NUDT6: variants seen among roughly 807,000 people sequenced by gnomAD.
The protein encoded by NUDT6 is FAD diphosphatase NUDT6.
NUDT6 carries 24 observed loss-of-function variants against 36.8 expected under a neutral mutation model. That is an observed-to-expected ratio of 0.65 (90% CI 0.47 to 0.92). NUDT6 has a LOEUF of 0.92. Among genes scored for constraint, NUDT6 ranks in the 40% least tolerant of loss-of-function variants. The pLI, the probability that NUDT6 is intolerant of heterozygous loss-of-function variation, is 0.00. For missense variants in NUDT6, 388 were observed against 392.8 expected (o/e 0.99, Z 0.10); for synonymous variants, 163 against 157.0 (o/e 1.04, Z -0.29).
At chr4:122,895,223 T>G (rs1158279999) in intron 4 of NUDT6, 1 of 152,198 alleles carries the variant, frequency 6.6e-6, no homozygotes, top group Non-Finnish European at 1.5e-5. Context: ...TCTGTTGTAT[T>G]TTTTATTATT....
chr4:122,896,827 C>T (rs1413563776), intron 4 of NUDT6: 2 of 151,956 alleles, frequency 1.3e-5, no homozygotes, highest in East Asian at 1.9e-4. Context: ...TCATTGTTGG[C>T]TAAATAGAAT....
chr4:122,917,386 C>T (rs747335108), intron 2 of NUDT6, 115 bp downstream of exon 2: 7 of 932,920 alleles, frequency 7.5e-6, no homozygotes, highest in Non-Finnish European at 1.2e-5. Flanking sequence ...CCACCGTAAT[C>T]ATTTAATCAA....
At chr4:122,899,060 T>TTTTTTTTTTTTTTTTTTTTTTTTG (rs70955079) in intron 3 of NUDT6, among the ~76,000 whole-genome samples, 1 of 145,032 alleles carries the variant, frequency 6.9e-6, no homozygotes, top group Admixed American at 7.0e-5. Context: ...TTTTTTTTTT[T>TTTTTTTTTTTTTTTTTTTTTTTTG]AGAGATGAGA....
At chr4:122,897,419 A>T in intron 4 of NUDT6, 1 of 581,282 alleles carries the variant, frequency 1.7e-6, no homozygotes, top group South Asian at 2.1e-5. Context: ...GTTCCTAATG[A>T]TATTATTTCT....
intron 3 of NUDT6, among the ~76,000 whole-genome samples, chr4:122,903,458 G>A (rs1187589374): frequency 1.3e-5 from 2 of 152,154 alleles, no homozygotes; most frequent in Admixed American, 6.5e-5. Flanking sequence ...TCACCTGGAG[G>A]GCTTGTAAAC....
intron 3 of NUDT6, among the ~76,000 whole-genome samples, chr4:122,908,028 T>C (rs1727656487): frequency 6.6e-6 from 1 of 151,354 alleles, no homozygotes; most frequent in African/African-American, 2.4e-5. Context: ...GATCCTTTCC[T>C]CCTACTGTGA....
In NUDT6 at chr4:122,892,669, G is replaced by A. The variant is rs912275852; in HGVS notation, c.*159C>T. ...TCTTTTTCACGCATTTGCTTTATTC[G>A]AAAAGAGGCTTTTAAAATGTGCATG... On this transcript the variant is annotated 3_prime_UTR_variant, in exon 5 of 5. Coordinates refer to ENST00000304430, the MANE Select transcript of NUDT6 (RefSeq NM_007083.5). The A allele has an allele frequency of 3.8e-5, 52 of 1,382,352 alleles. No homozygotes were observed. The East Asian group carries it at 7.3e-4, about 19-fold the overall frequency. The allele number at this position is 1,382,352 out of a possible 1,614,324, so 85.6% of individuals were successfully genotyped here. A position where few individuals can be genotyped will look rare whatever the true frequency, so the allele number is the denominator to read the frequency against.
chr4:122,918,295 A>T (rs1321320489), intron 1 of NUDT6: 1 of 152,442 alleles, frequency 6.6e-6, no homozygotes, highest in Non-Finnish European at 1.5e-5. Flanking sequence ...TATCATGGTG[A>T]ACATAATTAT....
intron 3 of NUDT6, among the ~76,000 whole-genome samples, chr4:122,900,935 C>CA (rs1335312396): frequency 4.6e-5 from 7 of 151,850 alleles, no homozygotes; most frequent in Admixed American, 2.6e-4. Context: ...TGTTTTATGG[C>CA]AAAAAAATTA....
chr4:122,902,506 A>G (rs1431808307), intron 3 of NUDT6, among the ~76,000 whole-genome samples: 1 of 152,180 alleles, frequency 6.6e-6, no homozygotes. Flanking sequence ...ATTTTTCTTA[A>G]TAACACATCT....
rs117120993 is a variant in NUDT6, at chr4:122,915,081, A to G, written c.442+2420T>C. Reference sequence around the variant, plus strand: ...AGAAACTTCGGCTATGAAGAACTAGATAAAGAAAGTTCTGGAGAAGCATGC... The same window carrying G: ...AGAAACTTCGGCTATGAAGAACTAGGTAAAGAAAGTTCTGGAGAAGCATGC... On this transcript the variant is annotated intron_variant, in intron 2 of 4. Transcript: ENST00000304430. Among the ~76,000 whole-genome samples the G allele has an allele frequency of 1.1e-4, 17 of 152,248 alleles. No homozygotes were observed. In the East Asian group the frequency reaches 3.3e-3, roughly 29 times the overall value.
intron 3 of NUDT6, among the ~76,000 whole-genome samples, chr4:122,911,426 G>A (rs745485787): frequency 1.3e-5 from 2 of 152,012 alleles, no homozygotes; most frequent in Admixed American, 1.3e-4. Flanking sequence ...CTACTCTCTG[G>A]TCATAACCGT....
chr4:122,912,644 G>T, intron 2 of NUDT6, 21 bp from the exon 3 acceptor site: 8 of 1,420,018 alleles, frequency 5.6e-6, no homozygotes, highest in Non-Finnish European at 8.0e-6. Flanking sequence ...AAAAAGAAAA[G>T]ATAATTGAGA....
At chr4:122,907,216 T>C (rs28748301) in intron 3 of NUDT6, among the ~76,000 whole-genome samples, 24,411 of 151,986 alleles carry the variant, frequency 0.16, 2,388 homozygotes, top group African/African-American at 0.27. Context: ...CGGCAACGTC[T>C]GCCTCCTGGG....
At chr4:122,915,556 T>G (rs1476719146) in intron 2 of NUDT6, among the ~76,000 whole-genome samples, 1 of 151,568 alleles carries the variant, frequency 6.6e-6, no homozygotes. Context: ...CCCCCAACAG[T>G]GGCTTCAAAT....
In NUDT6 at chr4:122,897,616, A is replaced by G. The variant is rs1727402789; in HGVS notation, c.553+8T>C. 6.3e-7 allele frequency: 1 copy of G among 1,585,702 alleles called. No individual in the cohort carries two copies. Among genetic ancestry groups the G allele is most frequent in the East Asian group, 2.2e-5 (1 of 44,642 alleles). On this transcript the variant is annotated splice_region_variant and intron_variant, in intron 4 of 4. Transcript: ENST00000304430. ...TTTAAGCCAATTAAAAATATAAAAG[A>G]TACACACCAATATCTTCTTCAGGCT...
intron 3 of NUDT6, among the ~76,000 whole-genome samples, chr4:122,900,054 G>GC (rs1159974688): frequency 1.5e-3 from 125 of 84,168 alleles, no homozygotes; most frequent in African/African-American, 3.4e-3. Context: ...ATGCACCCCC[G>GC]CCACCCCCCC....
intron 3 of NUDT6, among the ~76,000 whole-genome samples, chr4:122,903,775 T>C (rs979013912): frequency 1.3e-5 from 2 of 152,200 alleles, no homozygotes; most frequent in African/African-American, 4.8e-5. Flanking sequence ...TGCTTCACTC[T>C]AGCAGCAGCA....
chr4:122,898,472 G>A (rs1223210347), intron 3 of NUDT6, among the ~76,000 whole-genome samples: 1 of 151,944 alleles, frequency 6.6e-6, no homozygotes, highest in Non-Finnish European at 1.5e-5. Flanking sequence ...ATACTCATAA[G>A]GGAGCTGTAC....
Sources: allele counts gnomAD v4.1 joint callset (sites outside exome capture counted in the v4.1 genomes callset), GRCh38; gene constraint gnomAD v4.1.1; transcripts MANE v1.5; gene names NCBI Gene and HGNC (gene_info 2026-07-23, HGNC 2026-07-21).